TMEM117: variants seen among roughly 807,000 people sequenced by gnomAD.
TMEM117 encodes transmembrane protein 117.
A neutral mutation model predicts 52.4 loss-of-function variants in TMEM117; 27 were observed. That is an observed-to-expected ratio of 0.51 (90% CI 0.38 to 0.71). TMEM117 has a LOEUF of 0.71. Ranked by LOEUF, TMEM117 falls within the 30% of genes least tolerant of loss-of-function variation. The pLI is 0.00. For synonymous variants in TMEM117, 215 were observed against 206.3 expected, an observed-to-expected ratio of 1.04 and a Z score of -0.36; for missense variants, 556 against 630.5, an observed-to-expected ratio of 0.88 and a Z score of 1.26.
At chr12:43,835,048 C>T (rs1943007059), upstream of TMEM117, among the ~76,000 whole-genome samples, 1 of 152,158 alleles carries the variant, frequency 6.6e-6, no homozygotes, top group South Asian at 2.1e-4. Flanking sequence ...ATATAGAAAT[C>T]CTATTTTCCA....
intron 6 of TMEM117, among the ~76,000 whole-genome samples, chr12:44,319,068 C>CCTA (rs1951097124): frequency 6.6e-6 from 1 of 152,194 alleles, no homozygotes; most frequent in Admixed American, 6.5e-5. Flanking sequence ...AATTCCAGCA[C>CCTA]CTACAACTGG....
chr12:44,326,691 T>A (rs968840061), intron 6 of TMEM117, among the ~76,000 whole-genome samples: 1 of 152,214 alleles, frequency 6.6e-6, no homozygotes, highest in African/African-American at 2.4e-5. Context: ...ACTCCCCTAT[T>A]TGGAAAACTT....
At chr12:44,133,770 C>T (rs1032004403) in intron 3 of TMEM117, among the ~76,000 whole-genome samples, 2 of 152,062 alleles carry the variant, frequency 1.3e-5, no homozygotes, top group Non-Finnish European at 2.9e-5. Flanking sequence ...CAGGTATGGC[C>T]AAGCACAAAT....
At chr12:43,805,580 T>C in the TMEM117 span, 4 of 465,612 alleles carry the variant, frequency 8.6e-6, no homozygotes, top group East Asian at 2.1e-4. Flanking sequence ...TAACTGCATA[T>C]TGAACTGTCT....
intron 6 of TMEM117, among the ~76,000 whole-genome samples, chr12:44,305,752 T>G (rs1203644786): frequency 6.6e-6 from 1 of 152,142 alleles, no homozygotes; most frequent in African/African-American, 2.4e-5. Flanking sequence ...AGTTTGGAGA[T>G]CTCTCAAACA....
the TMEM117 span, among the ~76,000 whole-genome samples, chr12:43,808,947 T>TA: frequency 6.6e-6 from 1 of 151,966 alleles, no homozygotes; most frequent in Admixed American, 6.6e-5. Flanking sequence ...GGATTTTATG[T>TA]AAAATCTCTA....
rs544786137 is a variant in TMEM117 at position 44,380,426 on chromosome 12, A to G, written c.898+3702A>G. Among the ~76,000 whole-genome samples the G allele has an allele frequency of 3.9e-5, 6 of 152,256 alleles. No individual in the cohort carries two copies. In the South Asian group the frequency reaches 1.2e-3, roughly 32 times the overall value. ...GAAGAGCCTGGACAAGGACTGTGAA[A>G]GGTCTCCTGAGTCAAAAGTTGACTC... On this transcript the variant is annotated intron_variant, in intron 7 of 7. Transcript: ENST00000266534.
Position 44,167,223 on chromosome 12 carries a change from T to C in TMEM117, c.510+23599T>C, listed in dbSNP as rs186528285. On this transcript the variant is annotated intron_variant, in intron 4 of 7. Coordinates refer to ENST00000266534, the MANE Select transcript of TMEM117 (RefSeq NM_032256.3). ...ATGGTTTTGCTGTCAAATCCTTGAG[T>C]TTAAATGATTCTGAATGTATTGTAG... is the stretch of plus-strand genomic sequence containing the variant. 7.2e-4 allele frequency among the ~76,000 whole-genome samples: 110 copies of C among 152,192 alleles called. 1 individual carries two copies. The Middle Eastern group carries it at 0.01, about 14-fold the overall frequency.
At chr12:43,806,318 G>T in the TMEM117 span, 2 of 1,363,396 alleles carry the variant, frequency 1.5e-6, no homozygotes, top group Non-Finnish European at 1.9e-6. Context: ...CCAGGAAGTG[G>T]CTGCTCCTCC....
At chr12:43,990,150 G>A (rs1397501253) in intron 3 of TMEM117, among the ~76,000 whole-genome samples, 1 of 152,158 alleles carries the variant, frequency 6.6e-6, no homozygotes, top group East Asian at 1.9e-4. Flanking sequence ...AGTTCTTGAA[G>A]TAGAGGATAT....
intron 2 of TMEM117, among the ~76,000 whole-genome samples, chr12:43,902,974 C>A (rs542679792): frequency 1.3e-5 from 2 of 151,910 alleles, no homozygotes; most frequent in African/African-American, 4.8e-5. Context: ...CCTTTATTTT[C>A]TGGTTGACCT....
At chr12:44,138,594 G>C (rs747662148) in intron 3 of TMEM117, among the ~76,000 whole-genome samples, 1 of 152,170 alleles carries the variant, frequency 6.6e-6, no homozygotes, top group Non-Finnish European at 1.5e-5. Context: ...AATGGCTAAA[G>C]TTAGGAAATT....
intron 5 of TMEM117, among the ~76,000 whole-genome samples, chr12:44,232,343 T>G (rs879563528): frequency 4.0e-5 from 6 of 151,562 alleles, no homozygotes; most frequent in Non-Finnish European, 7.4e-5. Flanking sequence ...GATAAACCAT[T>G]GTCCCACAAC....
At chr12:44,284,480 T>C (rs906620031) in intron 5 of TMEM117, among the ~76,000 whole-genome samples, 2 of 152,194 alleles carry the variant, frequency 1.3e-5, no homozygotes, top group Non-Finnish European at 2.9e-5. Context: ...GTTGAACTGG[T>C]GAACAATTTA....
chr12:43,946,514 A>G (rs1257323989), intron 3 of TMEM117, among the ~76,000 whole-genome samples: 2 of 152,058 alleles, frequency 1.3e-5, no homozygotes, highest in Admixed American at 1.3e-4. Context: ...GTACTCTGTA[A>G]AGCACTCAAT....
intron 5 of TMEM117, among the ~76,000 whole-genome samples, chr12:44,241,299 C>T (rs1023366297): frequency 6.6e-6 from 1 of 151,632 alleles, no homozygotes; most frequent in African/African-American, 2.4e-5. Flanking sequence ...ATAAGAAGGG[C>T]TGACCATATC....
At chr12:43,887,499 A>G (rs1944017235) in intron 2 of TMEM117, among the ~76,000 whole-genome samples, 1 of 152,216 alleles carries the variant, frequency 6.6e-6, no homozygotes, top group Non-Finnish European at 1.5e-5. Context: ...AACTAAACTA[A>G]GGATGTTCTT....
intron 3 of TMEM117, among the ~76,000 whole-genome samples, chr12:43,980,687 G>A (rs1231261100): frequency 6.6e-6 from 1 of 152,074 alleles, no homozygotes; most frequent in African/African-American, 2.4e-5. Context: ...TTCCTCACAT[G>A]GGGTACCACC....
At chr12:44,284,252 C>G (rs1268836997) in intron 5 of TMEM117, among the ~76,000 whole-genome samples, 1 of 151,942 alleles carries the variant, frequency 6.6e-6, no homozygotes, top group Non-Finnish European at 1.5e-5. Flanking sequence ...GTGGAGGTTT[C>G]AGTGAGCCGA....
Sources: gnomAD v4.1 joint callset for allele counts (sites outside exome capture counted in the v4.1 genomes callset) on GRCh38, gnomAD v4.1.1 for gene constraint, MANE v1.5 for transcripts, NCBI Gene and HGNC (gene_info 2026-07-23, HGNC 2026-07-21) for gene names.